Variants in PKIB observed in about 807,000 individuals in gnomAD.
The protein encoded by PKIB is PKI-beta.
In PKIB, 2 loss-of-function variants were observed where a neutral mutation model predicts 4.5. The observed-to-expected ratio is 0.44, with a 90% CI of 0.18 to 1.39. The LOEUF (loss-of-function observed/expected upper bound fraction) is 1.39. Among genes scored for constraint, PKIB ranks in the 40% most tolerant of loss-of-function variants. The probability of loss-of-function intolerance (pLI) is 0.27; values close to 1 mark genes in which losing one functional copy is unlikely to be tolerated. For synonymous variants in PKIB, 38 were observed against 36.0 expected, an observed-to-expected ratio of 1.06 and a Z score of -0.20; for missense variants, 94 against 92.6, an observed-to-expected ratio of 1.02 and a Z score of -0.06.
rs182729569 is a variant in PKIB at position 122,620,202 on chromosome 6, A to G, written c.-161+9667A>G. 1.3e-3 allele frequency among the ~76,000 whole-genome samples: 201 copies of G among 151,900 alleles called. 4 individuals carry two copies. The South Asian group carries it at 0.025, about 19-fold the overall frequency. ...TGCTGAGGGTTTAGCACCTGAACAA[A>G]CCCCTCCTGTTCTGAACACTCTAGT... On this transcript the variant is annotated intron_variant, in intron 1 of 4. Transcript: ENST00000368452.
chr6:122,607,109 TA>T (rs1182320825), upstream of PKIB, among the ~76,000 whole-genome samples: 10 of 149,484 alleles, frequency 6.7e-5, no homozygotes, highest in South Asian at 2.1e-4. Context: ...AATAAATAAA[TA>T]AAATAAAATA....
At chr6:122,567,818 G>C (rs374998275) in intron 2 of PKIB, among the ~76,000 whole-genome samples, 11 of 152,136 alleles carry the variant, frequency 7.2e-5, no homozygotes, top group African/African-American at 2.4e-4. Flanking sequence ...ATAATAAAGC[G>C]AAATTCAGAA....
intron 2 of PKIB, among the ~76,000 whole-genome samples, chr6:122,509,757 T>C (rs1015033801): frequency 3.3e-5 from 5 of 152,152 alleles, no homozygotes; most frequent in Non-Finnish European, 7.4e-5. Flanking sequence ...TCAAATATAC[T>C]GTAAGCATTT....
At chr6:122,473,052 A>C (rs1032614605) in intron 1 of PKIB, among the ~76,000 whole-genome samples, 5 of 152,206 alleles carry the variant, frequency 3.3e-5, no homozygotes, top group Non-Finnish European at 7.3e-5. Context: ...CAGAGGTTGC[A>C]GTGAGCCGAG....
chr6:122,626,131 A>G (rs1775434432), intron 1 of PKIB, among the ~76,000 whole-genome samples: 1 of 152,184 alleles, frequency 6.6e-6, no homozygotes, highest in Non-Finnish European at 1.5e-5. Context: ...TGAAAAATTA[A>G]TAGTAGGTAA....
chr6:122,532,805 A>G (rs1265438896), intron 2 of PKIB, among the ~76,000 whole-genome samples: 1 of 152,140 alleles, frequency 6.6e-6, no homozygotes, highest in Non-Finnish European at 1.5e-5. Context: ...TTTGGCTACT[A>G]TGAATAATGT....
chr6:122,623,404 A>G (rs1262612009), intron 1 of PKIB, among the ~76,000 whole-genome samples: 1 of 152,212 alleles, frequency 6.6e-6, no homozygotes, highest in Non-Finnish European at 1.5e-5. Context: ...CATCATCAGT[A>G]TGTTGAAGTA....
At chr6:122,699,369 A>G (rs1778706250) in intron 3 of PKIB, among the ~76,000 whole-genome samples, 1 of 152,188 alleles carries the variant, frequency 6.6e-6, no homozygotes, top group Admixed American at 6.5e-5. Context: ...AATGGATCAT[A>G]TTAGCCTAAT....
intron 3 of PKIB, among the ~76,000 whole-genome samples, chr6:122,682,907 A>G (rs1047037942): frequency 9.2e-5 from 14 of 152,226 alleles, no homozygotes; most frequent in Non-Finnish European, 1.8e-4. Context: ...TATAGTGCAG[A>G]AATGGGAAAC....
intron 2 of PKIB, among the ~76,000 whole-genome samples, chr6:122,544,992 G>A (rs1772447055): frequency 6.6e-6 from 1 of 152,052 alleles, no homozygotes; most frequent in Non-Finnish European, 1.5e-5. Context: ...AAAAATAACA[G>A]ATGCTAGCAA....
chr6:122,598,120 G>A (rs1774235822), intron 3 of PKIB, among the ~76,000 whole-genome samples: 1 of 152,138 alleles, frequency 6.6e-6, no homozygotes, highest in Non-Finnish European at 1.5e-5. Flanking sequence ...CTTCCTCAAG[G>A]GCACCCAGCC....
rs1477564048 is a variant in PKIB, at chr6:122,697,286, A to C, written c.-8-20501A>C. On this transcript the variant is annotated intron_variant, in intron 3 of 4. Transcript: ENST00000368452. The stretch of plus-strand genomic sequence containing the variant: ...TCTAGGATACCTGATCTATGGGAGG[A>C]GAACTTGTAGTTAGGCCATTAGAGA... 3.3e-5 allele frequency among the ~76,000 whole-genome samples: 5 copies of C among 152,210 alleles called. No individual in the cohort carries two copies. In the East Asian group the frequency reaches 9.7e-4, roughly 29 times the overall value.
intron 4 of PKIB, among the ~76,000 whole-genome samples, chr6:122,723,520 A>G (rs1457535309): frequency 6.6e-6 from 1 of 152,052 alleles, no homozygotes; most frequent in Non-Finnish European, 1.5e-5. Flanking sequence ...TGTCAGCTCT[A>G]CTTTCAAAAT....
At position 122,690,290 on chromosome 6, in the gene PKIB, T is replaced by G. The variant is rs1008277698; in HGVS notation, c.-9+15146T>G. ...TGATAGGTAAGGACTACTCTTGCCA[T>G]TTAGTTGTTTTCTAGTTGTTTTGTG... On this transcript the variant is annotated intron_variant, in intron 3 of 4. Transcript: ENST00000368452. Among the ~76,000 whole-genome samples, 3 of 152,072 alleles carry G rather than the reference T, an allele frequency of 2.0e-5. No homozygotes were observed. In the East Asian group the frequency reaches 5.8e-4, roughly 29 times the overall value.
At chr6:122,599,442 G>A (rs1186324075) in intron 3 of PKIB, among the ~76,000 whole-genome samples, 1 of 152,066 alleles carries the variant, frequency 6.6e-6, no homozygotes, top group Non-Finnish European at 1.5e-5. Context: ...TTCATTGCAG[G>A]TCAGCCACTC....
chr6:122,704,293 C>A (rs1778966758), intron 3 of PKIB, among the ~76,000 whole-genome samples: 1 of 152,002 alleles, frequency 6.6e-6, no homozygotes, highest in East Asian at 1.9e-4. Flanking sequence ...TTAATCTTTT[C>A]TGGAAACACC....
intron 2 of PKIB, among the ~76,000 whole-genome samples, chr6:122,570,940 A>T (rs1297743335): frequency 5.9e-5 from 9 of 152,122 alleles, no homozygotes; most frequent in Non-Finnish European, 8.8e-5. Flanking sequence ...CAGAAGGTTG[A>T]TTATTAAGCT....
intron 3 of PKIB, among the ~76,000 whole-genome samples, chr6:122,696,482 G>A (rs768194263): frequency 6.6e-6 from 1 of 152,168 alleles, no homozygotes; most frequent in Non-Finnish European, 1.5e-5. Context: ...CACTTCCCAG[G>A]GAAAATTTGG....
At chr6:122,581,586 A>C (rs1773705819) in intron 2 of PKIB, among the ~76,000 whole-genome samples, 2 of 152,118 alleles carry the variant, frequency 1.3e-5, no homozygotes, top group African/African-American at 4.8e-5. Context: ...AAATCCCTAA[A>C]ATTTTAAGCA....
Sources: gnomAD v4.1 joint callset for allele counts (sites outside exome capture counted in the v4.1 genomes callset) on GRCh38, gnomAD v4.1.1 for gene constraint, MANE v1.5 for transcripts, NCBI Gene and HGNC (gene_info 2026-07-23, HGNC 2026-07-21) for gene names.